Variants in THOC7 observed in about 807,000 individuals in gnomAD.
THOC7 encodes NIF3L1-binding protein 1.
THOC7 carries 22 observed loss-of-function variants against 33.1 expected under a neutral mutation model. The ratio of observed to expected loss-of-function variants is 0.66; its 90% confidence interval spans 0.47 to 0.95. THOC7 has a LOEUF of 0.95. Among genes scored for constraint, THOC7 ranks in the 40% least tolerant of loss-of-function variants. The pLI is 0.00. For missense variants in THOC7, 184 were observed against 245.3 expected, an observed-to-expected ratio of 0.75 and a Z score of 1.67; for synonymous variants, 77 against 76.8, an observed-to-expected ratio of 1.00 and a Z score of -0.01.
chr3:63,847,859 T>G (rs1701932814), intron 1 of THOC7, among the ~76,000 whole-genome samples: 2 of 152,172 alleles, frequency 1.3e-5, no homozygotes, highest in African/African-American at 4.8e-5. Flanking sequence ...TCCAGCCAAT[T>G]GAATGGACAC....
intron 1 of THOC7, among the ~76,000 whole-genome samples, chr3:63,856,866 C>T (rs181823942): frequency 6.6e-6 from 1 of 152,200 alleles, no homozygotes; most frequent in South Asian, 2.1e-4. Flanking sequence ...TACAGGCGCC[C>T]GCTACCACGC....
chr3:63,861,565 AG>A (rs1255153962), intron 1 of THOC7: 1 of 152,220 alleles, frequency 6.6e-6, no homozygotes, highest in African/African-American at 2.4e-5. Context: ...AGTGAAGAGC[AG>A]GAACTCGGCA....
At chr3:63,857,204 G>C (rs1012836731) in intron 1 of THOC7, among the ~76,000 whole-genome samples, 1 of 152,102 alleles carries the variant, frequency 6.6e-6, no homozygotes, top group Non-Finnish European at 1.5e-5. Context: ...AGGTAAAGAG[G>C]GGAAGGTTTT....
At chr3:63,853,406 C>G (rs546439021) in intron 1 of THOC7, among the ~76,000 whole-genome samples, 2 of 152,178 alleles carry the variant, frequency 1.3e-5, no homozygotes, top group African/African-American at 4.8e-5. Flanking sequence ...AAAAACGAAA[C>G]AAAACAAAAA....
intron 1 of THOC7, among the ~76,000 whole-genome samples, chr3:63,840,286 A>G (rs1480240150): frequency 2.0e-5 from 3 of 152,208 alleles, no homozygotes; most frequent in Non-Finnish European, 4.4e-5. Flanking sequence ...ACTAGGAAAA[A>G]AAAATGAGAT....
intron 1 of THOC7, among the ~76,000 whole-genome samples, chr3:63,840,588 C>T (rs1559603818): frequency 6.6e-6 from 1 of 152,138 alleles, no homozygotes; most frequent in Non-Finnish European, 1.5e-5. Flanking sequence ...AAGCGAGATG[C>T]TGTCTCCAAA....
intron 1 of THOC7, among the ~76,000 whole-genome samples, chr3:63,856,944 G>A (rs1424549376): frequency 1.3e-5 from 2 of 152,054 alleles, no homozygotes; most frequent in Admixed American, 6.5e-5. Context: ...GGTCTTGAAC[G>A]CCTGACCTCG....
chr3:63,837,642 A>T (rs1308110631), intron 4 of THOC7, among the ~76,000 whole-genome samples: 2 of 152,048 alleles, frequency 1.3e-5, no homozygotes, highest in Non-Finnish European at 2.9e-5. Context: ...ATATTTATGT[A>T]AATTGCCTCT....
intron 1 of THOC7, among the ~76,000 whole-genome samples, chr3:63,843,801 T>C (rs1337022930): frequency 1.3e-5 from 2 of 151,808 alleles, no homozygotes; most frequent in African/African-American, 4.8e-5. Context: ...CTCAGAAGGC[T>C]GAGGCAGGAG....
At chr3:63,851,424 T>C (rs1434683040) in intron 1 of THOC7, among the ~76,000 whole-genome samples, 1 of 152,202 alleles carries the variant, frequency 6.6e-6, no homozygotes, top group Non-Finnish European at 1.5e-5. Flanking sequence ...GACTAAGTTC[T>C]TGTACTATGT....
intron 1 of THOC7, among the ~76,000 whole-genome samples, chr3:63,848,857 C>T (rs955908876): frequency 6.6e-6 from 1 of 152,122 alleles, no homozygotes; most frequent in African/African-American, 2.4e-5. Flanking sequence ...CTATAGCTTA[C>T]AGCAATTTGG....
At chr3:63,843,614 A>G (rs1444918738) in intron 1 of THOC7, among the ~76,000 whole-genome samples, 3 of 151,388 alleles carry the variant, frequency 2.0e-5, no homozygotes, top group Admixed American at 6.6e-5. Context: ...ATTAAAAAAA[A>G]TGTGGGCTGG....
chr3:63,847,677 C>T (rs1701927270), intron 1 of THOC7, among the ~76,000 whole-genome samples: 3 of 151,908 alleles, frequency 2.0e-5, no homozygotes, highest in African/African-American at 4.8e-5. Flanking sequence ...GCAGAGGTTG[C>T]AGTGAGCCAA....
intron 1 of THOC7, among the ~76,000 whole-genome samples, chr3:63,851,606 T>C (rs1702020766): frequency 6.6e-6 from 1 of 152,232 alleles, no homozygotes; most frequent in Non-Finnish European, 1.5e-5. Flanking sequence ...AAGTTCCTTC[T>C]ACTTTAGTCC....
intron 1 of THOC7, among the ~76,000 whole-genome samples, chr3:63,851,097 C>G (rs914391344): frequency 1.3e-5 from 2 of 152,158 alleles, no homozygotes; most frequent in Non-Finnish European, 2.9e-5. Context: ...GCTCCAAACT[C>G]TTCATGTTTT....
chr3:63,845,360 G>C (rs1264317895), intron 1 of THOC7, among the ~76,000 whole-genome samples: 3 of 152,132 alleles, frequency 2.0e-5, no homozygotes, highest in African/African-American at 7.2e-5. Context: ...CTCCCACTCT[G>C]GTGATATCTC....
rs554773364 is a variant in THOC7 at position 63,857,014 on chromosome 3, G to A, written c.19+6758C>T. Among the ~76,000 whole-genome samples the A allele has an allele frequency of 1.3e-3, 202 of 152,232 alleles. 1 individual carries two copies. The highest frequency in any genetic ancestry group is 2.3e-3 in the African/African-American group (95 of 41,542). On this transcript the variant is annotated intron_variant, in intron 1 of 7. Coordinates refer to ENST00000295899, the MANE Select transcript of THOC7 (RefSeq NM_025075.4). ...ATTACAGGCGTGAGCCACCTTGCCC[G>A]GCCTCATTATAGATATTCTTATCCC...
intron 1 of THOC7, among the ~76,000 whole-genome samples, chr3:63,850,543 C>T (rs967553531): frequency 6.7e-6 from 1 of 149,016 alleles, no homozygotes; most frequent in African/African-American, 2.5e-5. Context: ...AGATTACCAA[C>T]TAAACAAGGA....
chr3:63,848,993 G>T (rs550449150), intron 1 of THOC7, among the ~76,000 whole-genome samples: 3 of 152,302 alleles, frequency 2.0e-5, no homozygotes, highest in African/African-American at 7.2e-5. Context: ...GTCTGCATAA[G>T]TTCAACAAAG....
Sources: allele counts gnomAD v4.1 joint callset (sites outside exome capture counted in the v4.1 genomes callset), GRCh38; gene constraint gnomAD v4.1.1; transcripts MANE v1.5; gene names NCBI Gene and HGNC (gene_info 2026-07-23, HGNC 2026-07-21).